Variants in PRRC2B observed in about 807,000 individuals in gnomAD.
The protein encoded by PRRC2B is proline rich coiled-coil 2B.
Under a neutral mutation model 242.3 loss-of-function variants are expected in PRRC2B, and 68 were observed. That is an observed-to-expected ratio of 0.28 (90% CI 0.23 to 0.34). PRRC2B has a LOEUF of 0.34. Ranked by LOEUF, PRRC2B falls within the 10% of genes least tolerant of loss-of-function variation. The probability of loss-of-function intolerance (pLI) is 1.00; values close to 1 mark genes in which losing one functional copy is unlikely to be tolerated. For synonymous variants in PRRC2B, 1,228 were observed against 1,173.6 expected, an observed-to-expected ratio of 1.05 and a Z score of -0.95; for missense variants, 2,835 against 2,954.8, an observed-to-expected ratio of 0.96 and a Z score of 0.94.
At chr9:131,479,585 C>T (rs1312972979) in intron 19 of PRRC2B, among the ~76,000 whole-genome samples, 192 bp downstream of exon 19, 3 of 121,868 alleles carry the variant, frequency 2.5e-5, no homozygotes, top group African/African-American at 6.3e-5. Context: ...AACCCCCAAA[C>T]GGATACACAA....
chr9:131,399,236 C>T (rs988720528), intron 1 of PRRC2B, among the ~76,000 whole-genome samples: 2 of 141,936 alleles, frequency 1.4e-5, no homozygotes, highest in African/African-American at 5.3e-5. Context: ...GAGATTGTGC[C>T]ACTGCATTCC....
intron 1 of PRRC2B, among the ~76,000 whole-genome samples, chr9:131,402,978 C>A (rs935016934): frequency 1.3e-5 from 2 of 152,246 alleles, no homozygotes; most frequent in Non-Finnish European, 2.9e-5. Flanking sequence ...TCAGGATCAT[C>A]TCTTTGTATA....
chr9:131,477,075 C>T (rs567065273), intron 16 of PRRC2B, among the ~76,000 whole-genome samples: 4 of 152,324 alleles, frequency 2.6e-5, no homozygotes, highest in East Asian at 1.9e-4. Flanking sequence ...CATGGTCTGG[C>T]GAGCACCTCT....
chr9:131,491,647 G>C, intron 29 of PRRC2B, 67 bp downstream of exon 29: 1 of 1,425,582 alleles, frequency 7.0e-7, no homozygotes, highest in African/African-American at 1.4e-5. Context: ...TTTCTAGCAA[G>C]CTAAGTACCC....
At chr9:131,416,974 T>C (rs999748806) in intron 1 of PRRC2B, among the ~76,000 whole-genome samples, 1 of 151,718 alleles carries the variant, frequency 6.6e-6, no homozygotes, top group African/African-American at 2.4e-5. Flanking sequence ...TGGCACTGTC[T>C]GTTTCCTCTG....
At chr9:131,381,737 G>T (rs1425175061) in intron 1 of PRRC2B, among the ~76,000 whole-genome samples, 2 of 148,414 alleles carry the variant, frequency 1.3e-5, no homozygotes, top group Admixed American at 1.3e-4. Context: ...TTTTAAGTTT[G>T]TTATTTTTAT....
intron 1 of PRRC2B, among the ~76,000 whole-genome samples, chr9:131,375,980 C>T (rs185403802): frequency 2.4e-4 from 32 of 133,116 alleles, no homozygotes; most frequent in African/African-American, 7.5e-4. Flanking sequence ...ACCCAGGAGG[C>T]GGAGGTTGCG....
chr9:131,415,096 G>A (rs1009202187), intron 1 of PRRC2B, among the ~76,000 whole-genome samples: 3 of 152,040 alleles, frequency 2.0e-5, no homozygotes, highest in Non-Finnish European at 4.4e-5. Context: ...AGGTTTAAGC[G>A]ATTCTCCTGT....
intron 1 of PRRC2B, among the ~76,000 whole-genome samples, chr9:131,382,801 C>T (rs967377599): frequency 5.9e-5 from 9 of 152,098 alleles, no homozygotes; most frequent in East Asian, 5.8e-4. Context: ...TGCACCACCA[C>T]GCCCGGCTAA....
intron 22 of PRRC2B, among the ~76,000 whole-genome samples, chr9:131,483,109 C>T (rs1943917273): frequency 2.0e-5 from 3 of 152,114 alleles, no homozygotes; most frequent in Admixed American, 1.3e-4. Flanking sequence ...GCTTCACTGA[C>T]ACCAGACAGG....
intron 1 of PRRC2B, among the ~76,000 whole-genome samples, chr9:131,400,506 C>T (rs2994062): frequency 0.95 from 144,808 of 151,952 alleles, 69,388 homozygotes; most frequent in East Asian, 1. Flanking sequence ...TTAGTAGAGA[C>T]GGGGTTTTGC....
intron 1 of PRRC2B, among the ~76,000 whole-genome samples, chr9:131,399,191 C>G (rs956080742): frequency 4.1e-5 from 6 of 146,510 alleles, no homozygotes; most frequent in African/African-American, 1.3e-4. Context: ...GCTGGAGAAT[C>G]ACTTAAACCT....
At position 131,488,112 on chromosome 9, in the gene PRRC2B, A is replaced by G; in HGVS notation, c.6225+16A>G. 6.2e-7 allele frequency: 1 copy of G among 1,607,020 alleles called. No individual in the cohort carries two copies. The highest frequency in any genetic ancestry group is 8.5e-7 in the Non-Finnish European group (1 of 1,175,582). On this transcript the variant is annotated intron_variant, in intron 28 of 31. Coordinates refer to ENST00000683519, the MANE Select transcript of PRRC2B (RefSeq NM_013318.4). ...GCTCCCACAGGTCAGGAATTCAGTCACTCTACCCAAAGCCCTAGGCTTCTT... is the reference window on the plus strand; with the variant it reads ...GCTCCCACAGGTCAGGAATTCAGTCGCTCTACCCAAAGCCCTAGGCTTCTT...
At chr9:131,427,114 G>T (rs371121637) in intron 1 of PRRC2B, among the ~76,000 whole-genome samples, 17 of 152,316 alleles carry the variant, frequency 1.1e-4, no homozygotes, top group East Asian at 9.6e-4. Context: ...TTCTTCATGA[G>T]CATTTCTTGA....
At chr9:131,420,679 A>G (rs1168642385) in intron 1 of PRRC2B, among the ~76,000 whole-genome samples, 6 of 150,854 alleles carry the variant, frequency 4.0e-5, no homozygotes, top group Non-Finnish European at 1.5e-5. Flanking sequence ...CAGTAGAGTC[A>G]GGGTGTCGCC....
intron 1 of PRRC2B, among the ~76,000 whole-genome samples, chr9:131,429,162 G>T (rs1231050891): frequency 2.0e-5 from 3 of 152,162 alleles, no homozygotes; most frequent in Non-Finnish European, 4.4e-5. Flanking sequence ...GGCCAGGCAG[G>T]TCTCGAACTC....
At chr9:131,478,649 G>GGGGGGGGGCCCGGGGCC in intron 18 of PRRC2B, 30 bp downstream of exon 18, 1 of 504,560 alleles carries the variant, frequency 2.0e-6, no homozygotes, top group Non-Finnish European at 4.0e-6. Context: ...GGGGCATGGG[G>GGGGGGGGGCCCGGGGCC]CTGGAGGGCA....
Position 131,488,113 on chromosome 9 carries a change from C to CT in PRRC2B, c.6225+18dup. On this transcript the variant is annotated intron_variant, in intron 28 of 31. Transcript: ENST00000683519. ...CTCCCACAGGTCAGGAATTCAGTCA[C>CT]TCTACCCAAAGCCCTAGGCTTCTTT... The CT allele has an allele frequency of 6.2e-7, 1 of 1,608,690 alleles. No homozygotes were observed. Among genetic ancestry groups the CT allele is most frequent in the Non-Finnish European group, 8.5e-7 (1 of 1,176,346 alleles).
intron 9 of PRRC2B, among the ~76,000 whole-genome samples, chr9:131,451,758 C>T (rs149149562): frequency 3.0e-4 from 45 of 151,940 alleles, no homozygotes; most frequent in African/African-American, 9.9e-4. Flanking sequence ...GTTTGCTGAG[C>T]CTTTGGGTTT....
Sources: gnomAD v4.1 joint callset for allele counts (sites outside exome capture counted in the v4.1 genomes callset) on GRCh38, gnomAD v4.1.1 for gene constraint, MANE v1.5 for transcripts, NCBI Gene and HGNC (gene_info 2026-07-23, HGNC 2026-07-21) for gene names.